Variants in TBC1D12 observed in about 807,000 individuals in gnomAD.
TBC1D12 encodes TBC1 domain family, member 12.
Under a neutral mutation model 86.7 loss-of-function variants are expected in TBC1D12, and 56 were observed. That is an observed-to-expected ratio of 0.65 (90% CI 0.52 to 0.81). The LOEUF is 0.81. TBC1D12 is among the 30% of genes least tolerant of loss of function. TBC1D12 has a pLI of 0.00. For missense variants in TBC1D12, 1,023 were observed against 1,038.8 expected, an observed-to-expected ratio of 0.98 and a Z score of 0.21; for synonymous variants, 421 against 411.7, an observed-to-expected ratio of 1.02 and a Z score of -0.27.
chr10:94,405,785 C>CAT (rs775948078), intron 1 of TBC1D12, among the ~76,000 whole-genome samples: 19 of 151,622 alleles, frequency 1.3e-4, no homozygotes, highest in Non-Finnish European at 2.5e-4. Flanking sequence ...AAGACAGATG[C>CAT]ATATATATAC....
In TBC1D12 at chr10:94,441,937, T is replaced by C. The variant is rs1308110298; in HGVS notation, c.1013T>C (p.Val338Ala). The C allele has an allele frequency of 1.2e-6, 2 of 1,613,232 alleles. No individual in the cohort carries two copies. The highest frequency in any genetic ancestry group is 1.7e-6 in the Non-Finnish European group (2 of 1,179,636). Residue 338 changes from valine (V) to alanine (A), a missense_variant, in exon 2 of 13, where the codon GTC becomes GCC. This residue lies in a region of TBC1D12 where 628 missense variants were observed against 531.1 expected (regional missense o/e 1.18). Transcript: ENST00000225235. Reference sequence around the variant, plus strand: ...AGGACAAAGGAACTCAAATCAGTTGTCCATAGTGCTCCTGGTTGGAAATTA... The same window carrying C: ...AGGACAAAGGAACTCAAATCAGTTGCCCATAGTGCTCCTGGTTGGAAATTA... ...PKRTKELKSV[V>A]HSAPGWKLFG...
chr10:94,477,096 T>C (rs1227244870), intron 3 of TBC1D12, among the ~76,000 whole-genome samples: 1 of 152,184 alleles, frequency 6.6e-6, no homozygotes, highest in Non-Finnish European at 1.5e-5. Context: ...AAAAGTACTT[T>C]TATTTTCACT....
intron 7 of TBC1D12, chr10:94,509,854 C>G (rs1036218859): frequency 4.7e-6 from 2 of 423,668 alleles, no homozygotes; most frequent in African/African-American, 4.2e-5. Context: ...CCCATATCTT[C>G]TGTAAAAACT....
intron 2 of TBC1D12, among the ~76,000 whole-genome samples, chr10:94,462,237 G>T (rs1483719203): frequency 6.6e-6 from 1 of 152,120 alleles, no homozygotes; most frequent in African/African-American, 2.4e-5. Context: ...ATGTTTGACA[G>T]AATTTACCAG....
chr10:94,518,569 G>C (rs1842062781), intron 9 of TBC1D12, among the ~76,000 whole-genome samples: 1 of 152,120 alleles, frequency 6.6e-6, no homozygotes, highest in Admixed American at 6.5e-5. Context: ...TTCATGATTA[G>C]ATTCAGGTTA....
intron 2 of TBC1D12, among the ~76,000 whole-genome samples, chr10:94,454,510 G>A (rs1369828962): frequency 1.3e-5 from 2 of 152,112 alleles, no homozygotes; most frequent in East Asian, 1.9e-4. Context: ...TGCGCCCGGC[G>A]AGTCTTCTTA....
At chr10:94,406,746 G>A (rs369875053) in intron 1 of TBC1D12, among the ~76,000 whole-genome samples, 11 of 152,334 alleles carry the variant, frequency 7.2e-5, no homozygotes, top group Admixed American at 1.3e-4. Flanking sequence ...CCAGGTGAGG[G>A]CTCTCTTTGG....
chr10:94,500,219 A>G lies in TBC1D12; in HGVS notation c.1413-2A>G. 1 of 1,611,450 alleles carries G rather than the reference A, an allele frequency of 6.2e-7. No homozygotes were observed. Among genetic ancestry groups the G allele is most frequent in the Non-Finnish European group, 8.5e-7 (1 of 1,179,118 alleles). Reference sequence around the variant, plus strand: ...TCCTTTTTTCTCCTCCTTTAATTCTAGGCGTAGTACAAGAAGAGTTCGAGA... The same window carrying G: ...TCCTTTTTTCTCCTCCTTTAATTCTGGGCGTAGTACAAGAAGAGTTCGAGA... On this transcript the variant is annotated splice_acceptor_variant, in intron 5 of 12. Coordinates refer to ENST00000225235, the MANE Select transcript of TBC1D12 (RefSeq NM_015188.2). LOFTEE classifies it high-confidence loss of function.
rs778052339 is a variant in TBC1D12, at chr10:94,493,388, A to G, written c.1235A>G (p.Glu412Gly). 3.1e-6 allele frequency: 5 copies of G among 1,612,174 alleles called. No homozygotes were observed. The highest frequency in any genetic ancestry group is 3.4e-5 in the Admixed American group (2 of 59,624). The change falls in exon 4 of 13, where the codon GAA (glutamate) becomes GGA (glycine). Residue 412 changes from glutamate to glycine, a missense_variant. Coordinates refer to ENST00000225235, the MANE Select transcript of TBC1D12 (RefSeq NM_015188.2). ...AGAAATCTTCCTGCCAAATCTGTGG[A>G]AGAAGCTTTACGTCACCGACAAGAA... ...RPSNLPAKSV[E>G]EALRHRQEYD...
intron 11 of TBC1D12, among the ~76,000 whole-genome samples, chr10:94,524,237 A>G (rs563028167): frequency 2.0e-5 from 3 of 152,096 alleles, no homozygotes; most frequent in African/African-American, 4.8e-5. Flanking sequence ...ACAAGGGGAG[A>G]TTTTGGGAAG....
intron 3 of TBC1D12, among the ~76,000 whole-genome samples, chr10:94,492,954 A>G (rs1033084339): frequency 6.6e-6 from 1 of 152,190 alleles, no homozygotes; most frequent in Non-Finnish European, 1.5e-5. Context: ...TAACCTAAAA[A>G]TATTGACTGA....
intron 6 of TBC1D12, among the ~76,000 whole-genome samples, chr10:94,505,273 G>A (rs1422081166): frequency 1.3e-5 from 2 of 152,120 alleles, no homozygotes; most frequent in Non-Finnish European, 2.9e-5. Flanking sequence ...CACTGATGGA[G>A]CCAGGCATAA....
At position 94,534,657 on chromosome 10, in the gene TBC1D12, A is replaced by T. The variant is rs1035196259; in HGVS notation, c.*1561A>T. 4 of 152,224 alleles carry T rather than the reference A, an allele frequency of 2.6e-5. No individual in the cohort carries two copies. The highest frequency in any genetic ancestry group is 1.5e-5 in the Non-Finnish European group (1 of 68,036). 9.4% of individuals were successfully genotyped at this position (152,224 alleles called of 1,614,324 possible). A position where few individuals can be genotyped will look rare whatever the true frequency, so the allele number is the denominator to read the frequency against. On this transcript the variant is annotated 3_prime_UTR_variant, in exon 13 of 13. Coordinates refer to ENST00000225235, the MANE Select transcript of TBC1D12 (RefSeq NM_015188.2). ...TAGGGAGTCATTTTCAAAAAGGTAGATATGAACTTAAATTAAATTGACTTA... is the reference window on the plus strand; with the variant it reads ...TAGGGAGTCATTTTCAAAAAGGTAGTTATGAACTTAAATTAAATTGACTTA...
At chr10:94,491,512 G>T (rs2056244972) in intron 3 of TBC1D12, among the ~76,000 whole-genome samples, 1 of 152,170 alleles carries the variant, frequency 6.6e-6, no homozygotes, top group Non-Finnish European at 1.5e-5. Context: ...CGGTGTAGTA[G>T]TTACCCCTTA....
intron 3 of TBC1D12, among the ~76,000 whole-genome samples, chr10:94,483,121 C>G (rs1396079827): frequency 6.7e-6 from 1 of 149,926 alleles, no homozygotes; most frequent in African/African-American, 2.5e-5. Context: ...CTCACTGCAG[C>G]CTCCACCTCC....
intron 11 of TBC1D12, among the ~76,000 whole-genome samples, chr10:94,527,202 C>T (rs1371952529): frequency 2.0e-5 from 3 of 151,886 alleles, no homozygotes; most frequent in Non-Finnish European, 1.5e-5. Context: ...AAGTGATTCT[C>T]GTGCCTCAGC....
At chr10:94,522,835 G>C (rs528186463) in intron 11 of TBC1D12, among the ~76,000 whole-genome samples, 13 of 152,120 alleles carry the variant, frequency 8.5e-5, no homozygotes, top group Admixed American at 3.9e-4. Flanking sequence ...CACGAGGTCA[G>C]GAGTTCGAAA....
At chr10:94,519,960 C>T (rs2134220704) in intron 9 of TBC1D12, among the ~76,000 whole-genome samples, 1 of 152,286 alleles carries the variant, frequency 6.6e-6, no homozygotes, top group South Asian at 2.1e-4. Flanking sequence ...TTAATAAGGA[C>T]TTGGACATCT....
At chr10:94,478,027 T>A (rs1431608194) in intron 3 of TBC1D12, among the ~76,000 whole-genome samples, 1 of 152,146 alleles carries the variant, frequency 6.6e-6, no homozygotes, top group Admixed American at 6.6e-5. Flanking sequence ...ACATCTATAA[T>A]CCCAGGACTT....
Sources: allele counts gnomAD v4.1 joint callset (sites outside exome capture counted in the v4.1 genomes callset), GRCh38; gene constraint gnomAD v4.1.1; regional missense constraint gnomAD v4.1.1; transcripts MANE v1.5; gene names NCBI Gene and HGNC (gene_info 2026-07-23, HGNC 2026-07-21).